The following ADCY10 variants were observed in gnomAD, a reference collection of about 807,000 sequenced individuals.
ADCY10 encodes the protein adenylate cyclase type 10.
A neutral mutation model predicts 183.3 loss-of-function variants in ADCY10; 156 were observed. The observed-to-expected ratio is 0.85, with a 90% CI of 0.75 to 0.97. The LOEUF (loss-of-function observed/expected upper bound fraction) is 0.97, where lower values mean the gene tolerates loss of function less well. Ranked by LOEUF, ADCY10 falls within the 50% of genes least tolerant of loss-of-function variation. ADCY10 has a pLI of 0.00. For synonymous variants in ADCY10, 645 were observed against 670.0 expected, an observed-to-expected ratio of 0.96 and a Z score of 0.58; for missense variants, 1,745 against 1,934.3, an observed-to-expected ratio of 0.90 and a Z score of 1.84.
At chr1:167,890,773 C>A (rs1318863544) in intron 8 of ADCY10, among the ~76,000 whole-genome samples, 1 of 152,124 alleles carries the variant, frequency 6.6e-6, no homozygotes, top group Non-Finnish European at 1.5e-5. Context: ...TAGGTATCTT[C>A]TGGAATGTTT....
intron 21 of ADCY10, among the ~76,000 whole-genome samples, chr1:167,841,502 CTT>C (rs71100905): frequency 1.3e-4 from 12 of 90,884 alleles, no homozygotes; most frequent in Admixed American, 5.2e-4. Flanking sequence ...ATATGCTTTC[CTT>C]TTTTTTTTTT....
At chr1:167,900,095 C>G (rs897165397) in intron 5 of ADCY10, among the ~76,000 whole-genome samples, 39 of 152,162 alleles carry the variant, frequency 2.6e-4, no homozygotes, top group Non-Finnish European at 1.2e-4. Flanking sequence ...TCCCAACAAC[C>G]ATTTCTCTCA....
intron 3 of ADCY10, 99 bp from the exon 4 acceptor site, chr1:167,902,153 C>G: frequency 8.5e-7 from 1 of 1,174,066 alleles, no homozygotes; most frequent in Non-Finnish European, 1.3e-6. Flanking sequence ...GTCAAAAGAA[C>G]AGTGATTCAG....
intron 7 of ADCY10, among the ~76,000 whole-genome samples, chr1:167,895,626 T>C (rs950979474): frequency 2.0e-5 from 3 of 152,166 alleles, no homozygotes; most frequent in Admixed American, 6.5e-5. Context: ...ATTTTGTTTG[T>C]TTTTTATGAA....
intron 23 of ADCY10, chr1:167,834,739 A>G (rs1371584896): frequency 6.4e-6 from 1 of 156,358 alleles, no homozygotes; most frequent in African/African-American, 2.4e-5. Flanking sequence ...AGACATGATG[A>G]GTTGGCCACC....
At chr1:167,819,246 G>T (rs1438601933) in intron 30 of ADCY10, among the ~76,000 whole-genome samples, 1 of 125,062 alleles carries the variant, frequency 8.0e-6, no homozygotes, top group African/African-American at 3.0e-5. Flanking sequence ...TAGAAAATCC[G>T]ATTTTTTTTT....
chr1:167,847,820 G>A (rs1255928547), intron 19 of ADCY10, among the ~76,000 whole-genome samples: 1 of 152,104 alleles, frequency 6.6e-6, no homozygotes, highest in African/African-American at 2.4e-5. Context: ...TCATTATTTG[G>A]TTTCTGTTTA....
chr1:167,858,124 T>C (rs1038470595), intron 16 of ADCY10, among the ~76,000 whole-genome samples: 3 of 152,144 alleles, frequency 2.0e-5, no homozygotes, highest in Admixed American at 6.5e-5. Flanking sequence ...CACCAACTTA[T>C]ATCGATCATT....
At chr1:167,812,557 T>A (rs1162464453) in intron 31 of ADCY10, among the ~76,000 whole-genome samples, 1 of 152,154 alleles carries the variant, frequency 6.6e-6, no homozygotes, top group Non-Finnish European at 1.5e-5. Context: ...TATCCAGAGC[T>A]GTGATATTAT....
At chr1:167,834,786 T>TA (rs1664072028) in intron 23 of ADCY10, 1 of 154,920 alleles carries the variant, frequency 6.5e-6, no homozygotes, top group Non-Finnish European at 1.4e-5. Context: ...GGAGAGGGGG[T>TA]ACAAATGTCA....
chr1:167,820,366 C>T (rs1662822986), intron 30 of ADCY10: 1 of 649,428 alleles, frequency 1.5e-6, no homozygotes, highest in African/African-American at 1.9e-5. Context: ...GGCCAGCCCG[C>T]GCCTCGCCTA....
At position 167,822,136 on chromosome 1, in the gene ADCY10, C is replaced by G. The variant is rs184493679; in HGVS notation, c.4174G>C (p.Val1392Leu). ...AAACATTCTTCAAATGTTCTATAAA[C>G]AAAACCTAAGAGAGAGAGGAATGGG... ...CLDILLYSGF[V>L]YRTFEECLEF... Residue 1392 changes from valine (V) to leucine (L), a missense_variant, in exon 30 of 33, where the codon GTT (valine) becomes CTT (leucine). Transcript: ENST00000367851. 1.3e-6 allele frequency: 2 copies of G among 1,567,974 alleles called. No homozygotes were observed. The highest frequency in any genetic ancestry group is 2.2e-5 in the East Asian group (1 of 44,656).
At chr1:167,881,377 T>C (rs1280844949) in intron 9 of ADCY10, among the ~76,000 whole-genome samples, 1 of 152,206 alleles carries the variant, frequency 6.6e-6, no homozygotes, top group Non-Finnish European at 1.5e-5. Flanking sequence ...TACATCCTGA[T>C]AAAATGCAAA....
At chr1:167,851,542 G>A (rs994247780) in intron 18 of ADCY10, among the ~76,000 whole-genome samples, 1 of 152,218 alleles carries the variant, frequency 6.6e-6, no homozygotes, top group Admixed American at 6.5e-5. Flanking sequence ...CTTAACATTG[G>A]TCGGGCACAG....
chr1:167,906,774 G>A (rs922667574), intron 1 of ADCY10, among the ~76,000 whole-genome samples: 16 of 152,124 alleles, frequency 1.1e-4, no homozygotes, highest in Non-Finnish European at 1.8e-4. Context: ...AGGTGACAGA[G>A]TGAGACTCCA....
chr1:167,866,157 C>T (rs1280837599), intron 14 of ADCY10, among the ~76,000 whole-genome samples: 1 of 152,134 alleles, frequency 6.6e-6, no homozygotes, highest in Non-Finnish European at 1.5e-5. Flanking sequence ...GGCACTCTGC[C>T]GAATAACTGG....
intron 31 of ADCY10, among the ~76,000 whole-genome samples, chr1:167,813,939 G>A (rs980896481): frequency 6.6e-6 from 1 of 152,064 alleles, no homozygotes; most frequent in African/African-American, 2.4e-5. Context: ...GATGCTAAAT[G>A]TAATCCTCAT....
chr1:167,861,140 G>T, intron 14 of ADCY10, 77 bp from the exon 15 acceptor site: 1 of 1,228,042 alleles, frequency 8.1e-7, no homozygotes. Context: ...TTGAAGGAAA[G>T]CTCTGTCTTC....
rs201609750 is a variant in ADCY10, at chr1:167,870,432, A to G, written c.1463-22T>C. ...CGTCCTGTTATTTTTAGTTTTAAAA[A>G]AGAGCAAACTCAATCAACGTAAAAT... On this transcript the variant is annotated intron_variant, in intron 13 of 32. Transcript: ENST00000367851. 14 of 1,586,658 alleles carry G rather than the reference A, an allele frequency of 8.8e-6. No individual in the cohort carries two copies. In the East Asian group the frequency reaches 2.9e-4, roughly 33 times the overall value.
Sources: gnomAD v4.1 joint callset for allele counts (sites outside exome capture counted in the v4.1 genomes callset) on GRCh38, gnomAD v4.1.1 for gene constraint, MANE v1.5 for transcripts, NCBI Gene and HGNC (gene_info 2026-07-23, HGNC 2026-07-21) for gene names.